MGST1: variants seen among roughly 807,000 people sequenced by gnomAD.
MGST1 encodes the protein microsomal glutathione S-transferase 1.
MGST1 carries 5 observed loss-of-function variants against 8.9 expected under a neutral mutation model. The ratio of observed to expected loss-of-function variants is 0.56; its 90% CI spans 0.29 to 1.19. MGST1 has a LOEUF of 1.19. Ranked by LOEUF, MGST1 falls within the 50% of genes most tolerant of loss-of-function variation. The pLI, the probability that MGST1 is intolerant of heterozygous loss-of-function variation, is 0.08. For missense variants in MGST1, 182 were observed against 187.4 expected (o/e 0.97, Z 0.17); for synonymous variants, 54 against 67.8 (o/e 0.80, Z 1.00).
At chr12:16,495,852 T>A (rs1941467037) in intron 4 of MGST1, among the ~76,000 whole-genome samples, 1 of 152,136 alleles carries the variant, frequency 6.6e-6, no homozygotes, top group African/African-American at 2.4e-5. Context: ...TGAATTGATA[T>A]ATCATTTGCT....
intron 1 of MGST1, among the ~76,000 whole-genome samples, chr12:16,434,988 T>C (rs1940971803): frequency 6.6e-6 from 1 of 152,044 alleles, no homozygotes; most frequent in South Asian, 2.1e-4. Context: ...CTTTCATTGC[T>C]AATTTTACAT....
intron 1 of MGST1, among the ~76,000 whole-genome samples, chr12:16,412,265 G>A (rs7965121): frequency 0.62 from 94,285 of 152,024 alleles, 30,343 homozygotes; most frequent in East Asian, 0.96. Flanking sequence ...GTAGAGGATG[G>A]TAATACCTAC....
At chr12:16,538,503 G>A (rs923651081) in intron 4 of MGST1, among the ~76,000 whole-genome samples, 3 of 151,884 alleles carry the variant, frequency 2.0e-5, no homozygotes, top group African/African-American at 7.3e-5. Flanking sequence ...TCACACTGCT[G>A]ATAAACACAT....
intron 4 of MGST1, chr12:16,549,840 T>G (rs1288341563): frequency 6.6e-6 from 1 of 152,108 alleles, no homozygotes; most frequent in Non-Finnish European, 1.5e-5. Context: ...CCATAATTTC[T>G]CTTTCTAGAG....
At position 16,560,569 on chromosome 12, in the gene MGST1, A is replaced by G. The variant is rs1942365548; in HGVS notation, n.483-28959A>G. ...ATAAGAAACATTTTTTTTTTTTTAC[A>G]AACTCTTACAGAGAAATCTGAGATC... On this transcript the variant is annotated intron_variant and non_coding_transcript_variant, in intron 4 of 4. Coordinates refer to the MGST1 transcript ENST00000538857. This position sits in a 1 kb window ranked among gnomAD's most constrained non-coding sequence, Gnocchi z 5.0. 1.3e-6 allele frequency: 2 copies of G among 1,573,852 alleles called. No individual in the cohort carries two copies. The highest frequency in any genetic ancestry group is 8.7e-7 in the Non-Finnish European group (1 of 1,149,700).
intron 1 of MGST1, among the ~76,000 whole-genome samples, chr12:16,406,306 A>T (rs928119127): frequency 3.3e-5 from 5 of 152,116 alleles, no homozygotes; most frequent in Non-Finnish European, 7.4e-5. Context: ...ACAAAATCTC[A>T]TTCACAATTG....
intron 1 of MGST1, chr12:16,383,708 G>C (rs754812066): frequency 6.6e-6 from 1 of 152,160 alleles, no homozygotes; most frequent in Non-Finnish European, 1.5e-5. Context: ...TGATCCATCC[G>C]CCTTGGCCTC....
chr12:16,366,970 G>A (rs529152585), downstream of MGST1, among the ~76,000 whole-genome samples: 4 of 152,242 alleles, frequency 2.6e-5, no homozygotes, highest in South Asian at 4.1e-4. The surrounding 1 kb of genome is among the most constrained non-coding windows in gnomAD (Gnocchi z 4.0). Context: ...AAGGGCAAAC[G>A]TACATTTATA....
rs558725859 is a variant in MGST1, at chr12:16,503,339, A to G, written n.483-86189A>G. On this transcript the variant is annotated intron_variant and non_coding_transcript_variant, in intron 4 of 4. Coordinates refer to the MGST1 transcript ENST00000538857. This position sits in a 1 kb window ranked among gnomAD's most constrained non-coding sequence, Gnocchi z 4.8. ...ATTCTTAGCTTGGCTTCACTCATAA[A>G]TGTTATTTTTTCCTTTCTTTTATGT... is the stretch of plus-strand genomic sequence containing the variant. Among the ~76,000 whole-genome samples the G allele has an allele frequency of 2.0e-4, 30 of 152,174 alleles. No individual in the cohort carries two copies. Among genetic ancestry groups the G allele is most frequent in the African/African-American group, 7.2e-4 (30 of 41,512 alleles).
chr12:16,491,186 A>G (rs1269536413), intron 4 of MGST1, among the ~76,000 whole-genome samples: 3 of 152,208 alleles, frequency 2.0e-5, no homozygotes, highest in Non-Finnish European at 4.4e-5. Flanking sequence ...GATCTGTTGT[A>G]TGGTCATCCT....
intron 2 of MGST1, among the ~76,000 whole-genome samples, chr12:16,356,697 C>T (rs1406300914): frequency 2.0e-5 from 3 of 152,174 alleles, no homozygotes; most frequent in Admixed American, 1.3e-4. Flanking sequence ...GGAAGGAATA[C>T]ATGAATGTGT....
chr12:16,552,188 G>A (rs1942012877), intron 4 of MGST1, among the ~76,000 whole-genome samples: 1 of 151,936 alleles, frequency 6.6e-6, no homozygotes, highest in African/African-American at 2.4e-5. Context: ...TGTTTTTTCT[G>A]TTTCTGGTAC....
At chr12:16,381,514 T>A (rs902550108), downstream of MGST1, among the ~76,000 whole-genome samples, 44 of 152,348 alleles carry the variant, frequency 2.9e-4, no homozygotes, top group Middle Eastern at 6.8e-3. Context: ...GATCAGCTAT[T>A]AGTCTGATGG....
intron 3 of MGST1, among the ~76,000 whole-genome samples, chr12:16,360,985 C>CA (rs201759501): frequency 1.3e-5 from 2 of 151,624 alleles, no homozygotes; most frequent in African/African-American, 4.9e-5. Flanking sequence ...AGTGTTCCCC[C>CA]CCTCCCCGCC....
At position 16,351,405 on chromosome 12, in the gene MGST1, T is replaced by G. The variant is rs140616743; in HGVS notation, c.-22-2826T>G. 6.4e-3 allele frequency among the ~76,000 whole-genome samples: 977 copies of G among 152,334 alleles called. 12 individuals carry two copies. Among genetic ancestry groups the G allele is most frequent in the African/African-American group, 0.023 (942 of 41,568 alleles). On this transcript the variant is annotated intron_variant, in intron 1 of 3. Coordinates refer to ENST00000396210, the MANE Select transcript of MGST1 (RefSeq NM_020300.5). ...ATCTAACATACTGTGCTTTCAAGAC[T>G]AGAGACTTATGGAGGTTGATTAATT...
At chr12:16,468,975 T>C (rs1295378096) in intron 4 of MGST1, among the ~76,000 whole-genome samples, 1 of 152,224 alleles carries the variant, frequency 6.6e-6, no homozygotes, top group Non-Finnish European at 1.5e-5. Flanking sequence ...GAGAAACTCC[T>C]AGGGGATGGT....
chr12:16,400,459 C>A (rs1940644765), intron 1 of MGST1: 1 of 798,326 alleles, frequency 1.3e-6, no homozygotes, highest in Non-Finnish European at 2.3e-6. Flanking sequence ...GGAATTACTC[C>A]AGTTTAGATT....
At chr12:16,400,878 A>G (rs1026628402) in intron 1 of MGST1, 14 of 1,169,470 alleles carry the variant, frequency 1.2e-5, no homozygotes, top group Non-Finnish European at 1.8e-5. Flanking sequence ...GGCATCAGAG[A>G]TGGGTGTTTA....
chr12:16,489,232 G>T (rs1438858247), intron 4 of MGST1, among the ~76,000 whole-genome samples: 2 of 152,176 alleles, frequency 1.3e-5, no homozygotes, highest in South Asian at 4.1e-4. Context: ...ATAAATGACA[G>T]TTTCCAATTC....
Sources: allele counts gnomAD v4.1 joint callset (sites outside exome capture counted in the v4.1 genomes callset), GRCh38; gene constraint gnomAD v4.1.1; non-coding constraint Gnocchi (gnomAD v3.1); transcripts MANE v1.5; gene names NCBI Gene and HGNC (gene_info 2026-07-23, HGNC 2026-07-21).